The following DPP10 variants were observed in gnomAD, a reference collection of about 807,000 sequenced individuals.
DPP10 encodes the protein inactive dipeptidyl peptidase 10.
A neutral mutation model predicts 120.9 loss-of-function variants in DPP10; 33 were observed. The ratio of observed to expected loss-of-function variants is 0.27; its 90% CI spans 0.21 to 0.37. DPP10 has a LOEUF of 0.37. Ranked by LOEUF, DPP10 falls within the 10% of genes least tolerant of loss-of-function variation. The pLI is 1.00. For synonymous variants in DPP10, 337 were observed against 326.1 expected, an observed-to-expected ratio of 1.03 and a Z score of -0.36; for missense variants, 816 against 942.8, an observed-to-expected ratio of 0.87 and a Z score of 1.76.
chr2:114,871,849 A>T (rs989802236), intron 1 of DPP10, among the ~76,000 whole-genome samples: 1 of 152,132 alleles, frequency 6.6e-6, no homozygotes, highest in African/African-American at 2.4e-5. Flanking sequence ...CATCACTTGC[A>T]TTACTGCCTG....
chr2:115,125,174 T>G (rs2050012159), intron 1 of DPP10, among the ~76,000 whole-genome samples: 1 of 152,182 alleles, frequency 6.6e-6, no homozygotes, highest in Non-Finnish European at 1.5e-5. Flanking sequence ...GGTCTAGAAT[T>G]CAAATGTCAG....
chr2:114,732,130 C>T (rs946641105), intron 1 of DPP10, among the ~76,000 whole-genome samples: 6 of 152,072 alleles, frequency 3.9e-5, no homozygotes, highest in African/African-American at 9.7e-5. Context: ...AAATGAATGC[C>T]GAGGCAACAT....
At chr2:115,610,272 G>A (rs909065827) in intron 5 of DPP10, among the ~76,000 whole-genome samples, 1 of 152,076 alleles carries the variant, frequency 6.6e-6, no homozygotes, top group Admixed American at 6.6e-5. Flanking sequence ...TATGGCGGCT[G>A]CATTTCCCCA....
intron 1 of DPP10, among the ~76,000 whole-genome samples, chr2:115,176,195 A>G (rs2053675893): frequency 6.6e-6 from 1 of 151,134 alleles, no homozygotes; most frequent in South Asian, 2.1e-4. Context: ...AATTATTAGT[A>G]TTTTTATTAT....
At chr2:114,730,794 C>T (rs377625128) in intron 1 of DPP10, among the ~76,000 whole-genome samples, 15 of 151,940 alleles carry the variant, frequency 9.9e-5, no homozygotes, top group African/African-American at 3.4e-4. Context: ...GGGTTTCACC[C>T]TGTTAGGCTG....
intron 5 of DPP10, among the ~76,000 whole-genome samples, chr2:115,606,209 G>T (rs2149235904): frequency 6.6e-6 from 1 of 152,182 alleles, no homozygotes. Context: ...ATAATAATTT[G>T]AGGTGGAGTC....
intron 1 of DPP10, among the ~76,000 whole-genome samples, chr2:114,906,182 AG>A (rs1693944043): frequency 6.6e-6 from 1 of 152,020 alleles, no homozygotes. Flanking sequence ...GTTAGAGACC[AG>A]CCTGGCCAAA....
At chr2:114,903,677 C>T (rs1693761611) in intron 1 of DPP10, among the ~76,000 whole-genome samples, 1 of 152,064 alleles carries the variant, frequency 6.6e-6, no homozygotes, top group South Asian at 2.1e-4. Context: ...ATGTTGAAGC[C>T]CTAACCATCA....
intron 1 of DPP10, among the ~76,000 whole-genome samples, chr2:115,019,988 C>T (rs760227431): frequency 7.9e-5 from 12 of 152,138 alleles, no homozygotes; most frequent in Non-Finnish European, 1.8e-4. Flanking sequence ...CACTACCTAG[C>T]CCTCACTACA....
intron 1 of DPP10, among the ~76,000 whole-genome samples, chr2:114,522,115 G>A (rs1224811738): frequency 1.3e-5 from 2 of 148,528 alleles, no homozygotes; most frequent in African/African-American, 2.5e-5. Context: ...AAGTAGCTGG[G>A]ACTACAGGCG....
chr2:115,581,895 A>G (rs920399510), intron 5 of DPP10, among the ~76,000 whole-genome samples: 1 of 152,166 alleles, frequency 6.6e-6, no homozygotes, highest in Non-Finnish European at 1.5e-5. Flanking sequence ...AGGCGTTACC[A>G]GTGGCAACTC....
rs142745382 is a variant in DPP10 at position 114,964,706 on chromosome 2, G to T, written c.61-344533G>T. 7.2e-5 allele frequency among the ~76,000 whole-genome samples: 11 copies of T among 152,270 alleles called. No individual in the cohort carries two copies. In the East Asian group the frequency reaches 2.1e-3, roughly 29 times the overall value. ...AGTAAGTAGGATATCAGTTTAGAAAGGCAATGGAGCAGCAGATCACATGGA... is the reference window on the plus strand; with the variant it reads ...AGTAAGTAGGATATCAGTTTAGAAATGCAATGGAGCAGCAGATCACATGGA... On this transcript the variant is annotated intron_variant, in intron 1 of 25. Coordinates refer to ENST00000410059, the MANE Select transcript of DPP10 (RefSeq NM_020868.6).
chr2:114,685,542 G>A (rs1318094541), intron 1 of DPP10, among the ~76,000 whole-genome samples: 1 of 151,988 alleles, frequency 6.6e-6, no homozygotes, highest in Non-Finnish European at 1.5e-5. Flanking sequence ...GTGCTTGCTA[G>A]TGTTTCCCAT....
At position 115,395,835 on chromosome 2, in the gene DPP10, A is replaced by G. The variant is rs578001635; in HGVS notation, c.271+51923A>G. ...TAGTTTGCAGTTGATGAGAATGGGA[A>G]TGACACATTATATTTATTTTGTATC... On this transcript the variant is annotated intron_variant, in intron 3 of 25. Transcript: ENST00000410059. 4.6e-5 allele frequency among the ~76,000 whole-genome samples: 7 copies of G among 152,144 alleles called. No homozygotes were observed. In the South Asian group the frequency reaches 1.2e-3, roughly 27 times the overall value.
intron 1 of DPP10, among the ~76,000 whole-genome samples, chr2:115,030,739 T>C (rs1280742593): frequency 1.3e-5 from 2 of 152,164 alleles, no homozygotes; most frequent in Non-Finnish European, 2.9e-5. Flanking sequence ...CATGCAGTAT[T>C]TGGTTTTCTG....
intron 1 of DPP10, among the ~76,000 whole-genome samples, chr2:115,281,638 T>C (rs560233030): frequency 1.3e-5 from 2 of 152,294 alleles, no homozygotes; most frequent in East Asian, 1.9e-4. Context: ...GCTATTGATA[T>C]TGTTTTAATA....
intron 1 of DPP10, among the ~76,000 whole-genome samples, chr2:114,806,561 A>C (rs187182992): frequency 6.6e-6 from 1 of 152,204 alleles, no homozygotes; most frequent in Non-Finnish European, 1.5e-5. Flanking sequence ...GATATGTGTC[A>C]ATGTGAGTCA....
intron 1 of DPP10, among the ~76,000 whole-genome samples, chr2:115,013,851 T>C (rs1702441535): frequency 6.6e-6 from 1 of 152,080 alleles, no homozygotes; most frequent in African/African-American, 2.4e-5. Flanking sequence ...AAGAAAGTTC[T>C]TAGAGACCTA....
At chr2:115,360,751 A>T (rs1380105631) in intron 3 of DPP10, among the ~76,000 whole-genome samples, 1 of 152,160 alleles carries the variant, frequency 6.6e-6, no homozygotes, top group African/African-American at 2.4e-5. Flanking sequence ...TTAGGTTGGC[A>T]GGAGACCCGT....
Sources: allele counts gnomAD v4.1 joint callset (sites outside exome capture counted in the v4.1 genomes callset), GRCh38; gene constraint gnomAD v4.1.1; transcripts MANE v1.5; gene names NCBI Gene and HGNC (gene_info 2026-07-23, HGNC 2026-07-21).